The following CNBD1 variants were observed in gnomAD, a reference collection of about 807,000 sequenced individuals.
The protein encoded by CNBD1 is cyclic nucleotide-binding domain-containing protein 1.
In CNBD1, 71 loss-of-function variants were observed where a neutral mutation model predicts 54.4. The ratio of observed to expected loss-of-function variants is 1.30; its 90% CI spans 1.08 to 1.59. CNBD1 has a LOEUF of 1.59. Among genes scored for constraint, CNBD1 ranks in the 40% most tolerant of loss-of-function variants. CNBD1 has a pLI of 0.00. For synonymous variants in CNBD1, 182 were observed against 170.7 expected, an observed-to-expected ratio of 1.07 and a Z score of -0.51; for missense variants, 659 against 518.0, an observed-to-expected ratio of 1.27 and a Z score of -2.64.
At chr8:87,275,254 C>G (rs574849339) in intron 6 of CNBD1, among the ~76,000 whole-genome samples, 5 of 137,884 alleles carry the variant, frequency 3.6e-5, no homozygotes, top group African/African-American at 1.4e-4. Flanking sequence ...CTTGGTGATG[C>G]GGGCTCTTTT....
chr8:86,908,705 G>T (rs1809054768), intron 3 of CNBD1, among the ~76,000 whole-genome samples: 1 of 152,022 alleles, frequency 6.6e-6, no homozygotes, highest in African/African-American at 2.4e-5. Context: ...ATGTTTAAAG[G>T]GGGCTGTGAA....
At chr8:87,345,370 T>A (rs999877149) in intron 8 of CNBD1, among the ~76,000 whole-genome samples, 4 of 152,184 alleles carry the variant, frequency 2.6e-5, no homozygotes, top group African/African-American at 9.7e-5. Flanking sequence ...TTGCTTAGCA[T>A]CTAATCAGTC....
At chr8:87,390,885 T>G (rs957329510) in intron 2 of CNBD1, among the ~76,000 whole-genome samples, 1 of 152,156 alleles carries the variant, frequency 6.6e-6, no homozygotes, top group Non-Finnish European at 1.5e-5. Context: ...ATATGGCACA[T>G]ATACACTATG....
intron 4 of CNBD1, among the ~76,000 whole-genome samples, chr8:87,120,049 G>T (rs1433374381): frequency 6.6e-6 from 1 of 151,884 alleles, no homozygotes; most frequent in Non-Finnish European, 1.5e-5. Context: ...TTTTGTTGTT[G>T]TGTTCTCATC....
chr8:87,099,514 G>A (rs1333084384), intron 4 of CNBD1, among the ~76,000 whole-genome samples: 1 of 152,142 alleles, frequency 6.6e-6, no homozygotes. Flanking sequence ...GAGTGATGAT[G>A]ACCAGGATGA....
chr8:87,382,647 G>T lies in CNBD1; in HGVS notation c.*20G>T. ...GCCTAGATCTAGAAACAACCTCAGTGAACATTAATTAAGAAAGTATTGACT... is the reference window on the plus strand; with the variant it reads ...GCCTAGATCTAGAAACAACCTCAGTTAACATTAATTAAGAAAGTATTGACT... On this transcript the variant is annotated 3_prime_UTR_variant, in exon 11 of 11. Transcript: ENST00000518476. The T allele has an allele frequency of 1.3e-6, 2 of 1,514,750 alleles. No individual in the cohort carries two copies. The highest frequency in any genetic ancestry group is 1.2e-5 in the South Asian group (1 of 82,226). The allele number at this position is 1,514,750 out of a possible 1,614,324, so 93.8% of individuals were successfully genotyped here. A position where few individuals can be genotyped will look rare whatever the true frequency, so the allele number is the denominator to read the frequency against.
Position 87,402,259 on chromosome 8 carries a change from A to G in CNBD1, c.214-26287A>G, listed in dbSNP as rs1325293217. 2.6e-5 allele frequency among the ~76,000 whole-genome samples: 4 copies of G among 151,904 alleles called. No homozygotes were observed. The East Asian group carries it at 5.8e-4, about 22-fold the overall frequency. ...CCTCCCACCGGGTCCCTCCCAAAAC[A>G]TGTGGAGATTATGGGAGCTATAAGT... On this transcript the variant is annotated intron_variant, in intron 2 of 7. Coordinates refer to the CNBD1 transcript ENST00000521593.
chr8:87,192,982 G>A (rs1813644194), intron 4 of CNBD1, among the ~76,000 whole-genome samples: 1 of 152,082 alleles, frequency 6.6e-6, no homozygotes, highest in Non-Finnish European at 1.5e-5. Flanking sequence ...GAAAATAAGT[G>A]GTAATCGCTT....
chr8:86,992,921 C>T (rs1808786092), intron 4 of CNBD1, among the ~76,000 whole-genome samples: 1 of 152,110 alleles, frequency 6.6e-6, no homozygotes, highest in South Asian at 2.1e-4. Context: ...CTGAAAGGCA[C>T]TATATGCCTT....
Position 87,382,644 on chromosome 8 carries a change from A to G in CNBD1, c.*17A>G. On this transcript the variant is annotated 3_prime_UTR_variant, in exon 11 of 11. Transcript: ENST00000518476. ...GTGGCCTAGATCTAGAAACAACCTCAGTGAACATTAATTAAGAAAGTATTG... is the reference window on the plus strand; with the variant it reads ...GTGGCCTAGATCTAGAAACAACCTCGGTGAACATTAATTAAGAAAGTATTG... The G allele has an allele frequency of 6.6e-7, 1 of 1,519,684 alleles. No homozygotes were observed. The highest frequency in any genetic ancestry group is 8.9e-7 in the Non-Finnish European group (1 of 1,120,420). 94.1% of individuals were successfully genotyped at this position (1,519,684 alleles called of 1,614,324 possible).
intron 4 of CNBD1, among the ~76,000 whole-genome samples, chr8:87,094,224 C>A (rs1225568075): frequency 6.6e-6 from 1 of 152,022 alleles, no homozygotes; most frequent in African/African-American, 2.4e-5. Flanking sequence ...TTAGCTTTTT[C>A]TTCTCTCTTT....
At chr8:87,226,673 T>C (rs1335699823) in intron 5 of CNBD1, among the ~76,000 whole-genome samples, 2 of 151,982 alleles carry the variant, frequency 1.3e-5, no homozygotes, top group Non-Finnish European at 2.9e-5. Flanking sequence ...ATGTGGTCAA[T>C]TTTGGAATAG....
At chr8:87,396,232 C>G (rs1038037771) in intron 2 of CNBD1, among the ~76,000 whole-genome samples, 1 of 151,928 alleles carries the variant, frequency 6.6e-6, no homozygotes, top group African/African-American at 2.4e-5. Flanking sequence ...TGAGATACTA[C>G]AGTCTTCTTC....
intron 2 of CNBD1, among the ~76,000 whole-genome samples, chr8:87,411,428 T>TATATATATATATATATA (rs1807745518): frequency 6.2e-5 from 3 of 48,714 alleles, no homozygotes; most frequent in South Asian, 7.3e-4. Context: ...ATATATATAT[T>TATATATATATATATATA]TCATTCACAC....
At chr8:87,186,259 T>C (rs911383085) in intron 4 of CNBD1, among the ~76,000 whole-genome samples, 3 of 152,148 alleles carry the variant, frequency 2.0e-5, no homozygotes, top group South Asian at 2.1e-4. Flanking sequence ...TGAACTCTTG[T>C]TCATTCTACT....
chr8:87,229,757 C>T (rs1381192044), intron 5 of CNBD1, among the ~76,000 whole-genome samples: 1 of 151,940 alleles, frequency 6.6e-6, no homozygotes, highest in Admixed American at 6.6e-5. Context: ...ACCAAAATTT[C>T]GTCTCACTCT....
chr8:87,058,184 G>A (rs1810463460), intron 4 of CNBD1, among the ~76,000 whole-genome samples: 1 of 152,212 alleles, frequency 6.6e-6, no homozygotes, highest in African/African-American at 2.4e-5. Flanking sequence ...GACTCCACGT[G>A]TCACAGCCAG....
At chr8:87,311,893 T>C (rs10089048) in intron 8 of CNBD1, among the ~76,000 whole-genome samples, 57,962 of 151,874 alleles carry the variant, frequency 0.38, 11,330 homozygotes, top group Middle Eastern at 0.45. Flanking sequence ...AAGCTAAACA[T>C]TGGACACTCA....
intron 6 of CNBD1, among the ~76,000 whole-genome samples, chr8:87,276,111 A>G (rs531229129): frequency 3.2e-4 from 48 of 152,060 alleles, no homozygotes; most frequent in African/African-American, 1.0e-3. Context: ...TCTCATTACT[A>G]TCTAATACGT....
Sources: allele counts gnomAD v4.1 joint callset (sites outside exome capture counted in the v4.1 genomes callset), GRCh38; gene constraint gnomAD v4.1.1; transcripts MANE v1.5; gene names NCBI Gene and HGNC (gene_info 2026-07-23, HGNC 2026-07-21).